EFHC1: variants seen among roughly 807,000 people sequenced by gnomAD.
EFHC1 encodes EF-hand domain-containing protein 1.
In EFHC1, 53 loss-of-function variants were observed where a neutral mutation model predicts 69.9. That is an observed-to-expected ratio of 0.76 (90% confidence interval 0.61 to 0.95). The LOEUF (loss-of-function observed/expected upper bound fraction) is 0.95, where lower values mean the gene tolerates loss of function less well. Among genes scored for constraint, EFHC1 ranks in the 40% least tolerant of loss-of-function variants. EFHC1 has a pLI of 0.00. For synonymous variants in EFHC1, 256 were observed against 278.4 expected (o/e 0.92, Z 0.80); for missense variants, 739 against 798.7 (o/e 0.93, Z 0.90).
intron 6 of EFHC1, among the ~76,000 whole-genome samples, chr6:52,467,791 A>G (rs1045165507): frequency 6.6e-6 from 1 of 152,198 alleles, no homozygotes; most frequent in Non-Finnish European, 1.5e-5. Flanking sequence ...TCTATAATAA[A>G]CAAATTCCAC....
At chr6:52,485,000 A>G (rs1765756945) in intron 9 of EFHC1, among the ~76,000 whole-genome samples, 1 of 152,210 alleles carries the variant, frequency 6.6e-6, no homozygotes, top group Non-Finnish European at 1.5e-5. Flanking sequence ...CCATATCATT[A>G]ATTGAAAATG....
intron 7 of EFHC1, among the ~76,000 whole-genome samples, chr6:52,474,979 G>A (rs1381110995): frequency 6.7e-6 from 1 of 150,196 alleles, no homozygotes; most frequent in Non-Finnish European, 1.5e-5. Context: ...TTTCGGCTGT[G>A]CATTTTGATA....
Position 52,493,891 on chromosome 6 carries a change from T to G in EFHC1, c.*1550T>G. The G allele has an allele frequency of 2.2e-6, 1 of 454,104 alleles. No homozygotes were observed. Among genetic ancestry groups the G allele is most frequent in the Non-Finnish European group, 4.4e-6 (1 of 226,784 alleles). 28.1% of individuals were successfully genotyped at this position (454,104 alleles called of 1,614,324 possible). Reference sequence around the variant, plus strand: ...TAGAGTTACACAGAATTCAGACTGCTTTGCCCTCTCAGAACTTCTAGGGAA... The same window carrying G: ...TAGAGTTACACAGAATTCAGACTGCGTTGCCCTCTCAGAACTTCTAGGGAA... On this transcript the variant is annotated 3_prime_UTR_variant, in exon 11 of 11. Transcript: ENST00000371068.
Position 52,494,872 on chromosome 6 carries a change from T to G in EFHC1, c.*2531T>G, listed in dbSNP as rs1178687771. 1 of 451,556 alleles carries G rather than the reference T, an allele frequency of 2.2e-6. No homozygotes were observed. Among genetic ancestry groups the G allele is most frequent in the South Asian group, 1.6e-5 (1 of 64,288 alleles). 28.0% of individuals were successfully genotyped at this position (451,556 alleles called of 1,614,324 possible). On this transcript the variant is annotated 3_prime_UTR_variant, in exon 11 of 11. Transcript: ENST00000371068. ...TGCATCCATGTTGCTGCAGAATACA[T>G]GATTTCATTTTTTATGGCTGCGTAG...
At chr6:52,454,003 G>C in intron 4 of EFHC1, 92 bp from the exon 5 acceptor site, 1 of 1,602,952 alleles carries the variant, frequency 6.2e-7, no homozygotes, top group Non-Finnish European at 8.5e-7. Context: ...TTTCCAGCTA[G>C]TCTTTCCATC....
rs1190005804 is a variant in EFHC1, at chr6:52,495,849, T to C, written c.*3508T>C. 8.7e-6 allele frequency: 3 copies of C among 344,064 alleles called. No homozygotes were observed. The highest frequency in any genetic ancestry group is 1.7e-5 in the Non-Finnish European group (3 of 175,446). The allele number at this position is 344,064 out of a possible 1,614,324, so 21.3% of individuals were successfully genotyped here. A position where few individuals can be genotyped will look rare whatever the true frequency, so the allele number is the denominator to read the frequency against. ...TTTACTTAAGACTGAGAAGCTGAGA[T>C]CTGACAGCACCAACACAAGGTATAA... On this transcript the variant is annotated 3_prime_UTR_variant, in exon 11 of 11. Transcript: ENST00000371068.
intron 2 of EFHC1, among the ~76,000 whole-genome samples, chr6:52,437,943 G>T (rs1056384746): frequency 2.0e-5 from 3 of 152,162 alleles, no homozygotes; most frequent in Non-Finnish European, 4.4e-5. Flanking sequence ...CCCTTGTAAT[G>T]GGAGAGCAGC....
intron 1 of EFHC1, chr6:52,420,888 T>A: frequency 2.2e-6 from 1 of 452,374 alleles, no homozygotes; most frequent in Non-Finnish European, 3.4e-6. Flanking sequence ...ATAACCTGTC[T>A]CCGTCCATCG....
At chr6:52,463,940 AC>A (rs1233505011) in intron 5 of EFHC1, among the ~76,000 whole-genome samples, 1 of 152,182 alleles carries the variant, frequency 6.6e-6, no homozygotes, top group African/African-American at 2.4e-5. Flanking sequence ...TGGAGTTCAA[AC>A]TTTTATGCCT....
chr6:52,466,552 T>C (rs1246642083), intron 6 of EFHC1, among the ~76,000 whole-genome samples: 1 of 152,218 alleles, frequency 6.6e-6, no homozygotes, highest in Non-Finnish European at 1.5e-5. Flanking sequence ...TTCTCTATTA[T>C]ATTAAATTAT....
intron 5 of EFHC1, among the ~76,000 whole-genome samples, chr6:52,464,149 A>G (rs1229632636): frequency 1.3e-5 from 2 of 152,250 alleles, no homozygotes; most frequent in African/African-American, 2.4e-5. Context: ...CAGGTAATCA[A>G]TCTTAAACAA....
At position 52,493,386 on chromosome 6, in the gene EFHC1, T is replaced by TATATA. The variant is rs60720755; in HGVS notation, c.*1045_*1046insATATA. The TATATA allele has an allele frequency of 3.6e-4, 44 of 121,244 alleles. No individual in the cohort carries two copies. The highest frequency in any genetic ancestry group is 2.6e-3 in the Middle Eastern group (1 of 390). The allele number at this position is 121,244 out of a possible 1,614,324, so 7.5% of individuals were successfully genotyped here. A position where few individuals can be genotyped will look rare whatever the true frequency, so the allele number is the denominator to read the frequency against. ...TCTACATATATATATATATATATAT[T>TATATA]TTATATGTACACATTCATACACACA... is the stretch of plus-strand genomic sequence containing the variant. On this transcript the variant is annotated 3_prime_UTR_variant, in exon 11 of 11. Coordinates refer to ENST00000371068, the MANE Select transcript of EFHC1 (RefSeq NM_018100.4).
intron 1 of EFHC1, chr6:52,423,681 T>TTTTTG: frequency 2.3e-6 from 1 of 433,686 alleles, no homozygotes; most frequent in Admixed American, 4.3e-5. Context: ...TTTTTTTTTT[T>TTTTTG]TTTAGTTTTT....
chr6:52,451,121 C>T (rs1764908420), intron 3 of EFHC1, among the ~76,000 whole-genome samples: 1 of 152,080 alleles, frequency 6.6e-6, no homozygotes, highest in African/African-American at 2.4e-5. Flanking sequence ...TAAATGGGGC[C>T]TTTAGCCCAT....
In EFHC1 at chr6:52,493,626, A is replaced by G. The variant is rs1173037009; in HGVS notation, c.*1285A>G. The G allele has an allele frequency of 2.2e-6, 1 of 452,668 alleles. No homozygotes were observed. The highest frequency in any genetic ancestry group is 2.4e-5 in the Admixed American group (1 of 42,398). The allele number at this position is 452,668 out of a possible 1,614,324, so 28.0% of individuals were successfully genotyped here. A position where few individuals can be genotyped will look rare whatever the true frequency, so the allele number is the denominator to read the frequency against. On this transcript the variant is annotated 3_prime_UTR_variant, in exon 11 of 11. Transcript: ENST00000371068. ...AAGACCACGCCACTGCACTCCATCC[A>G]GCCTGGGTGACAGAGCAAGACTCCA...
intron 6 of EFHC1, among the ~76,000 whole-genome samples, chr6:52,466,643 C>G (rs545313514): frequency 4.5e-4 from 69 of 152,176 alleles, no homozygotes; most frequent in Non-Finnish European, 9.1e-4. Context: ...CTCCTAGTAC[C>G]TAATACAGTG....
chr6:52,471,144 G>C (rs955433488), intron 7 of EFHC1, among the ~76,000 whole-genome samples: 2 of 152,206 alleles, frequency 1.3e-5, no homozygotes, highest in African/African-American at 4.8e-5. Flanking sequence ...TCCGCTAGGC[G>C]TGTTTGCTGA....
chr6:52,450,480 G>C (rs2113991748), intron 3 of EFHC1, among the ~76,000 whole-genome samples: 1 of 152,206 alleles, frequency 6.6e-6, no homozygotes, highest in South Asian at 2.1e-4. Flanking sequence ...TATGAATCTG[G>C]GTGTTCCTGT....
intron 5 of EFHC1, 47 bp from the exon 6 acceptor site, chr6:52,464,848 A>C: frequency 6.5e-7 from 1 of 1,534,648 alleles, no homozygotes. Context: ...GTCTTTCTTG[A>C]CACACTCATT....
Sources: gnomAD v4.1 joint callset for allele counts (sites outside exome capture counted in the v4.1 genomes callset) on GRCh38, gnomAD v4.1.1 for gene constraint, MANE v1.5 for transcripts, NCBI Gene and HGNC (gene_info 2026-07-23, HGNC 2026-07-21) for gene names.